Variants in ANKRD6 observed in about 807,000 individuals in gnomAD.
ANKRD6 encodes the protein ankyrin repeat domain 6.
ANKRD6 carries 56 observed loss-of-function variants against 82.3 expected under a neutral mutation model. The ratio of observed to expected loss-of-function variants is 0.68; its 90% confidence interval spans 0.55 to 0.85. The LOEUF (loss-of-function observed/expected upper bound fraction) is 0.85, where lower values mean the gene tolerates loss of function less well. ANKRD6 is among the 40% of genes least tolerant of loss of function. The pLI, the probability that ANKRD6 is intolerant of heterozygous loss-of-function variation, is 0.00. For missense variants in ANKRD6, 852 were observed against 907.6 expected (o/e 0.94, Z 0.79); for synonymous variants, 347 against 352.1 (o/e 0.99, Z 0.16).
intron 1 of ANKRD6, among the ~76,000 whole-genome samples, chr6:89,464,524 A>G (rs570794237): frequency 2.0e-5 from 3 of 152,306 alleles, no homozygotes; most frequent in East Asian, 1.9e-4. Flanking sequence ...GGAACATCAC[A>G]TGATACACAG....
At chr6:89,471,753 A>G (rs1353457121) in intron 1 of ANKRD6, among the ~76,000 whole-genome samples, 3 of 151,938 alleles carry the variant, frequency 2.0e-5, no homozygotes, top group Non-Finnish European at 4.4e-5. Flanking sequence ...TGTGGAAAAC[A>G]CCAAGACCTT....
intron 1 of ANKRD6, among the ~76,000 whole-genome samples, chr6:89,453,992 G>A (rs1773210919): frequency 2.6e-5 from 4 of 151,856 alleles, no homozygotes; most frequent in Non-Finnish European, 5.9e-5. Flanking sequence ...TAGTAGAGAC[G>A]GAGTTTCACC....
chr6:89,595,995 A>G lies in ANKRD6; in HGVS notation c.200A>G (p.Asp67Gly). ...VVQILLKAGC[D>G]LDVQDDGDQT... ...CAGATCTTGCTGAAGGCTGGCTGCG[A>G]CCTTGATGTCCAGGATGATGTGAGT... Residue 67 changes from aspartate (D) to glycine (G), a missense_variant, in exon 3 of 16, where the codon GAC (aspartate) becomes GGC (glycine). Transcript: ENST00000339746. The G allele has an allele frequency of 1.2e-6, 2 of 1,609,020 alleles. No individual in the cohort carries two copies. Among genetic ancestry groups the G allele is most frequent in the Non-Finnish European group, 1.7e-6 (2 of 1,177,802 alleles).
intron 1 of ANKRD6, among the ~76,000 whole-genome samples, chr6:89,471,452 GATGGGACCCCTAGAGAGTA>G (rs1261441641): frequency 6.6e-6 from 1 of 151,898 alleles, no homozygotes; most frequent in African/African-American, 2.4e-5. Context: ...CACGAGACTG[GATGGGACCCCTAGAGAGTA>G]AGTATATATA....
At chr6:89,484,515 C>T (rs1443748658) in intron 1 of ANKRD6, among the ~76,000 whole-genome samples, 3 of 152,168 alleles carry the variant, frequency 2.0e-5, no homozygotes, top group African/African-American at 7.2e-5. Context: ...GACTCACTTC[C>T]TTAACTGCTT....
chr6:89,518,591 A>T (rs1041643578), intron 1 of ANKRD6, among the ~76,000 whole-genome samples: 5 of 151,906 alleles, frequency 3.3e-5, no homozygotes, highest in African/African-American at 1.2e-4. Context: ...GTGGGGAGGG[A>T]TTAAGTATTT....
chr6:89,591,424 A>G (rs535124852), intron 2 of ANKRD6, among the ~76,000 whole-genome samples: 91 of 152,072 alleles, frequency 6.0e-4, no homozygotes, highest in Non-Finnish European at 8.4e-4. Context: ...TCGTTAATAC[A>G]TGGTCTTTTC....
At chr6:89,625,877 C>A (rs754728145) in intron 13 of ANKRD6, among the ~76,000 whole-genome samples, 1 of 151,718 alleles carries the variant, frequency 6.6e-6, no homozygotes, top group Non-Finnish European at 1.5e-5. Flanking sequence ...GGGACTAAGG[C>A]GGACGCCACC....
intron 1 of ANKRD6, among the ~76,000 whole-genome samples, chr6:89,557,920 T>C (rs142239371): frequency 6.6e-6 from 1 of 152,126 alleles, no homozygotes; most frequent in East Asian, 1.9e-4. Context: ...TATGGAACTA[T>C]CTAGTTGCAG....
At chr6:89,482,537 T>C (rs945905692) in intron 1 of ANKRD6, among the ~76,000 whole-genome samples, 3 of 152,210 alleles carry the variant, frequency 2.0e-5, no homozygotes, top group African/African-American at 4.8e-5. Context: ...AAGGAAGTCA[T>C]TGAAACCTAA....
intron 5 of ANKRD6, among the ~76,000 whole-genome samples, chr6:89,609,524 A>T (rs1189015529): frequency 6.6e-6 from 1 of 151,796 alleles, no homozygotes; most frequent in Non-Finnish European, 1.5e-5. Flanking sequence ...CTGGTTTTGA[A>T]ATCCTGACCT....
chr6:89,499,511 A>G (rs1224427332), intron 1 of ANKRD6, among the ~76,000 whole-genome samples: 1 of 152,076 alleles, frequency 6.6e-6, no homozygotes, highest in Non-Finnish European at 1.5e-5. Flanking sequence ...GAAGTCCTAG[A>G]CATTATCTAG....
rs1279147288 is a variant in ANKRD6, at chr6:89,632,187, G to A, written c.*1183G>A. On this transcript the variant is annotated 3_prime_UTR_variant, in exon 16 of 16. Coordinates refer to ENST00000339746, the MANE Select transcript of ANKRD6 (RefSeq NM_001242809.2). ...CTATTTCTATAGACACAGGAACCTA[G>A]TGACTATTGAACGTAATTGTAATAA... The A allele has an allele frequency of 1.3e-5, 2 of 152,190 alleles. No homozygotes were observed. Among genetic ancestry groups the A allele is most frequent in the Non-Finnish European group, 2.9e-5 (2 of 68,034 alleles). 9.4% of individuals were successfully genotyped at this position (152,190 alleles called of 1,614,324 possible).
At chr6:89,608,918 A>G (rs1464206484) in intron 5 of ANKRD6, among the ~76,000 whole-genome samples, 2 of 152,140 alleles carry the variant, frequency 1.3e-5, no homozygotes, top group African/African-American at 4.8e-5. Context: ...GACACTGTCT[A>G]TAAGCCTCTG....
intron 1 of ANKRD6, among the ~76,000 whole-genome samples, chr6:89,458,526 G>A (rs995844935): frequency 2.6e-5 from 4 of 152,194 alleles, no homozygotes; most frequent in Non-Finnish European, 5.9e-5. Flanking sequence ...CAAATCACTG[G>A]TGTAAGTCCA....
chr6:89,434,078 G>A (rs979485541), intron 1 of ANKRD6, among the ~76,000 whole-genome samples: 18 of 152,194 alleles, frequency 1.2e-4, no homozygotes, highest in Admixed American at 6.5e-4. Flanking sequence ...TGTTTCCCCC[G>A]CGAGGTAGCA....
chr6:89,441,620 CTTTTTTTTTTTTTT>C (rs71556522), intron 1 of ANKRD6, among the ~76,000 whole-genome samples: 1 of 80,470 alleles, frequency 1.2e-5, no homozygotes, highest in South Asian at 4.2e-4. Flanking sequence ...CTTTTCTTTC[CTTTTTTTTTTTTTT>C]TTTTTTTTTT....
intron 1 of ANKRD6, among the ~76,000 whole-genome samples, chr6:89,531,445 A>C (rs1446886579): frequency 6.6e-6 from 1 of 152,226 alleles, no homozygotes; most frequent in African/African-American, 2.4e-5. Context: ...AAGCATCTTG[A>C]TATTTTATGG....
At chr6:89,438,148 C>T (rs749007316) in intron 1 of ANKRD6, among the ~76,000 whole-genome samples, 16 of 152,124 alleles carry the variant, frequency 1.1e-4, no homozygotes, top group Non-Finnish European at 1.9e-4. Context: ...AGTCTTTCAC[C>T]GATACAGGTA....
Sources: gnomAD v4.1 joint callset for allele counts (sites outside exome capture counted in the v4.1 genomes callset) on GRCh38, gnomAD v4.1.1 for gene constraint, MANE v1.5 for transcripts, NCBI Gene and HGNC (gene_info 2026-07-23, HGNC 2026-07-21) for gene names.